The following MSRA variants were observed in gnomAD, a reference collection of about 807,000 sequenced individuals.
MSRA encodes the protein mitochondrial peptide methionine sulfoxide reductase.
Under a neutral mutation model 31.3 loss-of-function variants are expected in MSRA, and 54 were observed. The ratio of observed to expected loss-of-function variants is 1.73; its 90% CI spans 1.39 to 2.17. The LOEUF (loss-of-function observed/expected upper bound fraction) is 2.17, where lower values mean the gene tolerates loss of function less well. Among genes scored for constraint, MSRA ranks in the 30% most tolerant of loss-of-function variants. The probability of loss-of-function intolerance (pLI) is 0.00; values close to 1 mark genes in which losing one functional copy is unlikely to be tolerated. For missense variants in MSRA, 507 were observed against 300.9 expected, an observed-to-expected ratio of 1.69 and a Z score of -5.07; for synonymous variants, 169 against 116.5, an observed-to-expected ratio of 1.45 and a Z score of -2.90.
At chr8:10,306,127 G>C (rs1585419865) in intron 4 of MSRA, among the ~76,000 whole-genome samples, 2 of 152,122 alleles carry the variant, frequency 1.3e-5, no homozygotes, top group Admixed American at 6.5e-5. Context: ...AGGCAACGTG[G>C]TGGGTGCCTG....
At chr8:10,353,543 G>C (rs934920923) in intron 5 of MSRA, 14 of 453,908 alleles carry the variant, frequency 3.1e-5, no homozygotes, top group Admixed American at 1.2e-4. Flanking sequence ...CACGACACCT[G>C]ACGTTTCTGT....
At chr8:10,402,443 C>G (rs1231260249) in intron 5 of MSRA, among the ~76,000 whole-genome samples, 2 of 152,232 alleles carry the variant, frequency 1.3e-5, no homozygotes, top group Non-Finnish European at 2.9e-5. Context: ...GCAGCTCCCA[C>G]TCACCCACAG....
intron 5 of MSRA, among the ~76,000 whole-genome samples, chr8:10,339,058 G>A (rs945097624): frequency 2.0e-5 from 3 of 152,104 alleles, no homozygotes; most frequent in African/African-American, 7.2e-5. Flanking sequence ...TAATTCACTG[G>A]GTTTGTTCCC....
At chr8:10,230,336 T>C (rs1166156033) in intron 2 of MSRA, among the ~76,000 whole-genome samples, 1 of 152,182 alleles carries the variant, frequency 6.6e-6, no homozygotes, top group African/African-American at 2.4e-5. Context: ...GAAATGGCAC[T>C]GGGTGGATGG....
chr8:10,159,829 T>C (rs1048078171), intron 1 of MSRA, among the ~76,000 whole-genome samples: 4 of 152,224 alleles, frequency 2.6e-5, no homozygotes, highest in Non-Finnish European at 4.4e-5. Context: ...TCTCTAAATA[T>C]CTAACCCATT....
At chr8:10,265,002 G>GTTCAGA (rs957602862) in intron 3 of MSRA, among the ~76,000 whole-genome samples, 2 of 152,180 alleles carry the variant, frequency 1.3e-5, no homozygotes, top group Non-Finnish European at 2.9e-5. Flanking sequence ...CTAAGTGACT[G>GTTCAGA]TTCAGATTAG....
chr8:10,135,925 A>G (rs940980926), intron 1 of MSRA, among the ~76,000 whole-genome samples: 1 of 152,194 alleles, frequency 6.6e-6, no homozygotes, highest in African/African-American at 2.4e-5. Flanking sequence ...TAATAATCAC[A>G]GAACTGAAGA....
chr8:10,415,020 G>T (rs1004801265), intron 5 of MSRA, among the ~76,000 whole-genome samples: 2 of 152,182 alleles, frequency 1.3e-5, no homozygotes. Flanking sequence ...TCAAAGGAAA[G>T]CCCAAATCAA....
intron 1 of MSRA, among the ~76,000 whole-genome samples, chr8:10,061,516 T>A (rs567949637): frequency 7.6e-4 from 116 of 152,276 alleles, no homozygotes; most frequent in Non-Finnish European, 1.4e-3. Flanking sequence ...AGATGTCTTA[T>A]TGCACGGAAC....
In MSRA at chr8:10,313,200, G is replaced by T. The variant is rs143196891; in HGVS notation, c.437-6683G>T. ...CCTGGCTCAGAAAAACCTGCTGCAT[G>T]ATCTGTGAACTTCTCTCTCTATATT... On this transcript the variant is annotated intron_variant, in intron 4 of 5. Transcript: ENST00000317173. 7.3e-4 allele frequency among the ~76,000 whole-genome samples: 111 copies of T among 152,328 alleles called. 1 individual carries two copies. Among genetic ancestry groups the T allele is most frequent in the African/African-American group, 2.5e-3 (102 of 41,584 alleles).
At chr8:10,230,117 T>C (rs1811340605) in intron 2 of MSRA, among the ~76,000 whole-genome samples, 1 of 152,234 alleles carries the variant, frequency 6.6e-6, no homozygotes, top group South Asian at 2.1e-4. Context: ...CATGCTGTGC[T>C]ATGTGACAGA....
chr8:10,358,785 G>A (rs935657901), intron 5 of MSRA, among the ~76,000 whole-genome samples: 6 of 148,126 alleles, frequency 4.1e-5, no homozygotes, highest in African/African-American at 1.6e-4. Context: ...GTAGAGACGG[G>A]GTTTCACCGT....
chr8:10,303,204 A>G (rs1218230161), intron 4 of MSRA, among the ~76,000 whole-genome samples: 2 of 152,252 alleles, frequency 1.3e-5, no homozygotes, highest in Non-Finnish European at 2.9e-5. Context: ...TAATGTGGCC[A>G]ACTGCAATGC....
At chr8:10,226,173 G>A (rs1201402068) in intron 2 of MSRA, among the ~76,000 whole-genome samples, 1 of 152,200 alleles carries the variant, frequency 6.6e-6, no homozygotes, top group African/African-American at 2.4e-5. Context: ...CTATAGGGGA[G>A]GGGTCACATG....
intron 1 of MSRA, among the ~76,000 whole-genome samples, chr8:10,088,313 C>A (rs1389670884): frequency 2.5e-4 from 38 of 152,140 alleles, no homozygotes; most frequent in Admixed American, 2.5e-3. Context: ...TCCATATGAC[C>A]CAGTAATTCC....
intron 2 of MSRA, among the ~76,000 whole-genome samples, chr8:10,234,948 G>A (rs542673027): frequency 1.3e-5 from 2 of 152,084 alleles, no homozygotes; most frequent in African/African-American, 4.8e-5. Flanking sequence ...AACTAAAAGA[G>A]AAATCAAAAA....
chr8:10,235,803 A>C (rs750935682), intron 2 of MSRA, among the ~76,000 whole-genome samples: 2 of 152,114 alleles, frequency 1.3e-5, no homozygotes, highest in Admixed American at 6.5e-5. Flanking sequence ...TAGCCAACCA[A>C]TTTTCTGAGG....
chr8:10,417,087 C>T (rs1808505763), intron 5 of MSRA, among the ~76,000 whole-genome samples: 1 of 152,162 alleles, frequency 6.6e-6, no homozygotes, highest in Non-Finnish European at 1.5e-5. Flanking sequence ...AAGCCCCATC[C>T]GTCCAGCTAG....
intron 5 of MSRA, among the ~76,000 whole-genome samples, chr8:10,403,145 G>T (rs1156304582): frequency 1.3e-5 from 2 of 152,188 alleles, no homozygotes; most frequent in Admixed American, 1.3e-4. Flanking sequence ...AGATTAAAAT[G>T]TCCCAGGGCT....
Sources: allele counts gnomAD v4.1 joint callset (sites outside exome capture counted in the v4.1 genomes callset), GRCh38; gene constraint gnomAD v4.1.1; transcripts MANE v1.5; gene names NCBI Gene and HGNC (gene_info 2026-07-23, HGNC 2026-07-21).